The following LMLN variants were observed in gnomAD, a reference collection of about 807,000 sequenced individuals.
LMLN encodes the protein leishmanolysin like peptidase.
LMLN carries 70 observed loss-of-function variants against 92.3 expected under a neutral mutation model. The ratio of observed to expected loss-of-function variants is 0.76; its 90% CI spans 0.63 to 0.92. The LOEUF is 0.92. LMLN is among the 40% of genes least tolerant of loss of function. LMLN has a pLI of 0.00. For missense variants in LMLN, 691 were observed against 814.6 expected, an observed-to-expected ratio of 0.85 and a Z score of 1.85; for synonymous variants, 308 against 296.2, an observed-to-expected ratio of 1.04 and a Z score of -0.41.
chr3:198,033,528 T>C (rs1312229907), intron 14 of LMLN, among the ~76,000 whole-genome samples: 1 of 152,104 alleles, frequency 6.6e-6, no homozygotes, highest in African/African-American at 2.4e-5. Flanking sequence ...GTGATTCTTA[T>C]GCCTCAGCCA....
At chr3:198,038,692 T>A in exon 16 of LMLN, 4 of 1,513,348 alleles carry the variant, frequency 2.6e-6, no homozygotes, top group Non-Finnish European at 3.7e-6. Context: ...ATCTTCAAGA[T>A]ATTCTTTTAT....
intron 8 of LMLN, among the ~76,000 whole-genome samples, 190 bp downstream of exon 8, chr3:197,986,080 G>A (rs74641671): frequency 0.065 from 9,834 of 152,258 alleles, 375 homozygotes; most frequent in African/African-American, 0.1. Context: ...AGATGTAAGT[G>A]AGGAGGAGAG....
At chr3:197,996,801 C>T (rs1722031590) in intron 10 of LMLN, among the ~76,000 whole-genome samples, 1 of 152,112 alleles carries the variant, frequency 6.6e-6, no homozygotes, top group African/African-American at 2.4e-5. Context: ...CAGGGCCTCA[C>T]TGTGTCATCC....
At chr3:198,021,629 T>A (rs1722786943) in intron 13 of LMLN, 24 bp downstream of exon 14, 2 of 1,592,154 alleles carry the variant, frequency 1.3e-6, no homozygotes, top group Non-Finnish European at 1.7e-6. Context: ...TGAAATGAAG[T>A]ATTATATACA....
chr3:198,042,071 T>C lies in LMLN; in HGVS notation c.*3404T>C, dbSNP rs981011768. On this transcript the variant is annotated 3_prime_UTR_variant, in exon 16 of 16. Transcript: ENST00000330198. This position sits in a 1 kb window ranked among gnomAD's most constrained non-coding sequence, Gnocchi z 4.2. ...AATGTGAAACTGGATAAAGTATGGA[T>C]AAAGTCTTGAGTTCCTCAGGGTAAC... 6.6e-6 allele frequency: 1 copy of C among 152,210 alleles called. No individual in the cohort carries two copies. The highest frequency in any genetic ancestry group is 2.4e-5 in the African/African-American group (1 of 41,464). The allele number at this position is 152,210 out of a possible 1,614,324, so 9.4% of individuals were successfully genotyped here.
chr3:198,024,213 AT>A (rs1245381667), intron 13 of LMLN, among the ~76,000 whole-genome samples: 8,133 of 134,906 alleles, frequency 0.06, 156 homozygotes, highest in African/African-American at 0.09. Context: ...GTGGATCCTA[AT>A]TTTTTTTTTT....
At chr3:198,016,926 A>C (rs1211212583) in intron 11 of LMLN, among the ~76,000 whole-genome samples, 1 of 152,174 alleles carries the variant, frequency 6.6e-6, no homozygotes, top group Non-Finnish European at 1.5e-5. Context: ...GAGGCAAAAC[A>C]AATGGGCATG....
Position 198,025,232 on chromosome 3 carries a change from C to T in LMLN, c.1656+444C>T, listed in dbSNP as rs1437293145. On this transcript the variant is annotated intron_variant, in intron 14 of 15. Coordinates refer to ENST00000330198, the Ensembl canonical transcript of LMLN. This position sits in a 1 kb window ranked among gnomAD's most constrained non-coding sequence, Gnocchi z 4.3. ...AGGAGGATTGCTTGAGCCCAGGATT[C>T]GAGACCATCCTAGGCAACAAAGCGA... Among the ~76,000 whole-genome samples, 3 of 151,984 alleles carry T rather than the reference C, an allele frequency of 2.0e-5. No individual in the cohort carries two copies. Among genetic ancestry groups the T allele is most frequent in the East Asian group, 1.9e-4 (1 of 5,158 alleles).
intron 11 of LMLN, among the ~76,000 whole-genome samples, chr3:198,000,451 G>A (rs1174486768): frequency 6.6e-6 from 1 of 151,928 alleles, no homozygotes; most frequent in Non-Finnish European, 1.5e-5. Context: ...TTTTTGAGAC[G>A]GAGTGTTGCT....
At position 198,019,325 on chromosome 3, in the gene LMLN, G is replaced by C; in HGVS notation, c.1305G>C (p.Gln435His). ...TGCAGCTAACTTGCAGACAGGACCA[G>C]AGAGCAGTTGCCGTGTGTAATTTGC... The change falls in exon 12 of 16, where the codon CAG becomes CAC. Residue 435 changes from glutamine to histidine, a missense_variant. By Grantham distance (24) the Gln-to-His change is conservative. Coordinates refer to ENST00000330198, the Ensembl canonical transcript of LMLN. The surrounding 1 kb of genome is among the most constrained non-coding windows in gnomAD (Gnocchi z 5.5). 1 of 1,614,178 alleles carries C rather than the reference G, an allele frequency of 6.2e-7. No homozygotes were observed. Among genetic ancestry groups the C allele is most frequent in the Admixed American group, 1.7e-5 (1 of 60,012 alleles).
intron 8 of LMLN, among the ~76,000 whole-genome samples, chr3:197,986,731 C>T (rs1479080766): frequency 2.6e-5 from 4 of 151,886 alleles, no homozygotes; most frequent in East Asian, 3.9e-4. Flanking sequence ...GAACAGATAA[C>T]GTGATAACAA....
chr3:198,005,201 T>C (rs1722257730), intron 11 of LMLN, among the ~76,000 whole-genome samples: 1 of 11,514 alleles, frequency 8.7e-5, no homozygotes, highest in African/African-American at 4.0e-4. Flanking sequence ...ATATATCATC[T>C]ATACAGATAC....
At chr3:197,974,073 G>T (rs1311768734) in intron 1 of LMLN, among the ~76,000 whole-genome samples, 2 of 152,118 alleles carry the variant, frequency 1.3e-5, no homozygotes, top group Non-Finnish European at 2.9e-5. Context: ...CTCAAAATTG[G>T]CTAAACTAGA....
intron 1 of LMLN, among the ~76,000 whole-genome samples, chr3:197,973,456 A>G (rs1721286184): frequency 6.6e-6 from 1 of 151,956 alleles, no homozygotes. Context: ...GTTAGCCAGG[A>G]TGGTCTCAGT....
intron 9 of LMLN, chr3:197,994,670 C>G (rs1242887349): frequency 6.6e-6 from 1 of 151,902 alleles, no homozygotes; most frequent in Non-Finnish European, 1.5e-5. Context: ...GGCCCCAGTG[C>G]AAGGATGACA....
chr3:197,961,978 C>T (rs1282960024), intron 1 of LMLN, among the ~76,000 whole-genome samples: 1 of 152,056 alleles, frequency 6.6e-6, no homozygotes, highest in Non-Finnish European at 1.5e-5. Flanking sequence ...ATTCCGCAGC[C>T]CCCTACTTGA....
intron 11 of LMLN, among the ~76,000 whole-genome samples, chr3:198,010,266 G>A (rs567111114): frequency 6.3e-4 from 96 of 151,844 alleles, no homozygotes; most frequent in African/African-American, 2.2e-3. Context: ...CAATTCTCCC[G>A]ACTCAGCCTC....
chr3:197,998,063 C>T (rs1722076497), intron 10 of LMLN, among the ~76,000 whole-genome samples: 1 of 152,194 alleles, frequency 6.6e-6, no homozygotes, highest in African/African-American at 2.4e-5. Flanking sequence ...CGTGCCAGCG[C>T]AGTAGAGCCA....
intron 8 of LMLN, among the ~76,000 whole-genome samples, chr3:197,988,399 T>C (rs1251269964): frequency 6.6e-6 from 1 of 151,922 alleles, no homozygotes; most frequent in East Asian, 1.9e-4. Context: ...ATTTGAAATT[T>C]TTTTTGATTT....
Sources: gnomAD v4.1 joint callset for allele counts (sites outside exome capture counted in the v4.1 genomes callset) on GRCh38, gnomAD v4.1.1 for gene constraint, Gnocchi (gnomAD v3.1) non-coding constraint, MANE v1.5 for transcripts, NCBI Gene and HGNC (gene_info 2026-07-23, HGNC 2026-07-21) for gene names.